Variants in BCL11A observed in about 807,000 individuals in gnomAD.
BCL11A encodes B cell CLL/lymphoma 11A.
In BCL11A, 2 loss-of-function variants were observed where a neutral mutation model predicts 55.9. The observed-to-expected ratio is 0.04, with a 90% CI of 0.01 to 0.11. The LOEUF is 0.11. Among genes scored for constraint, BCL11A ranks in the 10% least tolerant of loss-of-function variants. The pLI is 1.00. For missense variants in BCL11A, 817 were observed against 1,137.1 expected (o/e 0.72, Z 4.05); for synonymous variants, 465 against 473.4 (o/e 0.98, Z 0.23).
At chr2:60,521,067 G>GCACGCACACACA (rs1263469378) in intron 2 of BCL11A, among the ~76,000 whole-genome samples, 16 of 117,652 alleles carry the variant, frequency 1.4e-4, no homozygotes, top group African/African-American at 4.5e-4. Context: ...CTAGTGGTCA[G>GCACGCACACACA]CACACACACA....
At chr2:60,550,743 G>A in intron 1 of BCL11A, 1 of 398,278 alleles carries the variant, frequency 2.5e-6, no homozygotes, top group Non-Finnish European at 4.4e-6. Context: ...AGGAGGGAGA[G>A]GGGTACGAGG....
intron 2 of BCL11A, chr2:60,541,636 A>C (rs1404226267): frequency 5.9e-6 from 2 of 339,886 alleles, no homozygotes; most frequent in Non-Finnish European, 1.1e-5. Flanking sequence ...CCTCACAAAC[A>C]TAGGCTCCCT....
downstream of BCL11A, chr2:60,457,150 A>T (rs1289360349): frequency 3.2e-5 from 23 of 730,128 alleles, no homozygotes. Context: ...TCTTGCAAGT[A>T]ATTTACAGAG....
downstream of BCL11A, among the ~76,000 whole-genome samples, chr2:60,453,391 C>A (rs890215885): frequency 6.6e-6 from 1 of 152,176 alleles, no homozygotes; most frequent in Admixed American, 6.5e-5. Context: ...CCGGATGTGC[C>A]GAGGAAGAGG....
downstream of BCL11A, among the ~76,000 whole-genome samples, chr2:60,454,394 T>C (rs1675853567): frequency 6.6e-6 from 1 of 152,214 alleles, no homozygotes; most frequent in African/African-American, 2.4e-5. Flanking sequence ...CCAAGCAGGT[T>C]GAGAGAACTC....
In BCL11A at chr2:60,459,838, C is replaced by G. The variant is rs1409272031; in HGVS notation, c.*566G>C. The G allele has an allele frequency of 1.2e-5, 13 of 1,043,998 alleles. No homozygotes were observed. Among genetic ancestry groups the G allele is most frequent in the African/African-American group, 1.7e-5 (1 of 59,836 alleles). The allele number at this position is 1,043,998 out of a possible 1,614,324, so 64.7% of individuals were successfully genotyped here. ...TTTTTTTCAGTGCTATCTATTCTGT[C>G]TATAGAGGGTTAATCCAAAGACTGT... On this transcript the variant is annotated 3_prime_UTR_variant, in exon 4 of 4. Coordinates refer to ENST00000642384, the MANE Select transcript of BCL11A (RefSeq NM_022893.4).
At chr2:60,485,795 G>A (rs558290235) in intron 2 of BCL11A, among the ~76,000 whole-genome samples, 1 of 152,284 alleles carries the variant, frequency 6.6e-6, no homozygotes, top group African/African-American at 2.4e-5. Flanking sequence ...GAGAAGGCAA[G>A]TGTTTCCCAA....
intron 2 of BCL11A, among the ~76,000 whole-genome samples, chr2:60,495,205 C>T (rs1558642780): frequency 6.6e-6 from 1 of 152,352 alleles, no homozygotes; most frequent in East Asian, 1.9e-4. Context: ...GTCTGCCAGT[C>T]CTCTTCTACC....
At chr2:60,550,893 CCG>C (rs1670383577) in intron 1 of BCL11A, 1 of 398,350 alleles carries the variant, frequency 2.5e-6, no homozygotes, top group South Asian at 1.3e-4. Flanking sequence ...CTTCACACCG[CCG>C]CGCGCCGCGT....
At chr2:60,523,484 C>T (rs571228210) in intron 2 of BCL11A, among the ~76,000 whole-genome samples, 2 of 152,182 alleles carry the variant, frequency 1.3e-5, no homozygotes, top group East Asian at 3.9e-4. Context: ...AAAGACTTTC[C>T]TATTCTCTCT....
intron 1 of BCL11A, chr2:60,550,976 TGGGG>T: frequency 8.6e-6 from 1 of 116,232 alleles, no homozygotes; most frequent in Non-Finnish European, 1.6e-5. Flanking sequence ...TGCGAGGGGG[TGGGG>T]AGAGGGAGGG....
chr2:60,468,847 C>T lies in BCL11A; in HGVS notation c.386-14G>A. 3.8e-6 allele frequency: 6 copies of T among 1,567,736 alleles called. No homozygotes were observed. Among genetic ancestry groups the T allele is most frequent in the Non-Finnish European group, 4.4e-6 (5 of 1,144,502 alleles). On this transcript the variant is annotated splice_polypyrimidine_tract_variant and intron_variant, in intron 2 of 3. Coordinates refer to ENST00000642384, the MANE Select transcript of BCL11A (RefSeq NM_022893.4). The stretch of plus-strand genomic sequence containing the variant: ...GCAGAAGTTTATCTGTGAAAGAAAC[C>T]CAAAATCAAGCACTACAGCTACAAA...
intron 2 of BCL11A, chr2:60,508,675 C>T (rs1416065461): frequency 6.6e-6 from 1 of 152,254 alleles, no homozygotes; most frequent in Non-Finnish European, 1.5e-5. Flanking sequence ...GAAACAGCCT[C>T]AGCTTGGCCC....
chr2:60,511,433 A>G (rs116331821), intron 2 of BCL11A, among the ~76,000 whole-genome samples: 1 of 152,358 alleles, frequency 6.6e-6, no homozygotes, highest in African/African-American at 2.4e-5. Flanking sequence ...TCCGTTACCA[A>G]TAAAACACTT....
At chr2:60,525,106 T>C (rs1338564766) in intron 2 of BCL11A, 1 of 152,228 alleles carries the variant, frequency 6.6e-6, no homozygotes, top group African/African-American at 2.4e-5. Flanking sequence ...ATGTAGGCTA[T>C]GTCCATACAG....
intron 1 of BCL11A, among the ~76,000 whole-genome samples, chr2:60,552,735 T>C (rs1187766479): frequency 1.3e-5 from 2 of 152,122 alleles, no homozygotes; most frequent in African/African-American, 4.8e-5. Flanking sequence ...TCCCCGGGAA[T>C]CGTTTTTTAG....
intron 2 of BCL11A, among the ~76,000 whole-genome samples, chr2:60,474,310 C>CAA (rs368221919): frequency 6.9e-5 from 10 of 144,752 alleles, no homozygotes; most frequent in Non-Finnish European, 1.5e-4. Context: ...CATATAATTC[C>CAA]AAAAAAAAAA....
At chr2:60,483,420 G>A (rs1678072313) in intron 2 of BCL11A, among the ~76,000 whole-genome samples, 1 of 152,214 alleles carries the variant, frequency 6.6e-6, no homozygotes, top group South Asian at 2.1e-4. Flanking sequence ...GAAGACTTGA[G>A]ACCAGGCAAG....
downstream of BCL11A, among the ~76,000 whole-genome samples, chr2:60,455,516 T>C (rs1406930924): frequency 2.0e-5 from 3 of 152,180 alleles, no homozygotes; most frequent in Admixed American, 1.3e-4. Flanking sequence ...CATCTCCCAG[T>C]AAATTTATTT....
Sources: gnomAD v4.1 joint callset for allele counts (sites outside exome capture counted in the v4.1 genomes callset) on GRCh38, gnomAD v4.1.1 for gene constraint, MANE v1.5 for transcripts, NCBI Gene and HGNC (gene_info 2026-07-23, HGNC 2026-07-21) for gene names.